The following MCF2L2 variants were observed in gnomAD, a reference collection of about 807,000 sequenced individuals.
MCF2L2 encodes the protein probable guanine nucleotide exchange factor MCF2L2.
In MCF2L2, 102 loss-of-function variants were observed where a neutral mutation model predicts 150.2. The observed-to-expected ratio is 0.68, with a 90% CI of 0.58 to 0.80. The LOEUF (loss-of-function observed/expected upper bound fraction) is 0.80. Ranked by LOEUF, MCF2L2 falls within the 30% of genes least tolerant of loss-of-function variation. The pLI is 0.00. For synonymous variants in MCF2L2, 465 were observed against 491.3 expected (o/e 0.95, Z 0.71); for missense variants, 1,256 against 1,372.8 (o/e 0.91, Z 1.34).
Position 183,354,027 on chromosome 3 carries a change from C to T in MCF2L2, c.276-12397G>A, listed in dbSNP as rs1711619220. Among the ~76,000 whole-genome samples, 6 of 152,144 alleles carry T rather than the reference C, an allele frequency of 3.9e-5. No homozygotes were observed. The South Asian group carries it at 1.2e-3, about 32-fold the overall frequency. On this transcript the variant is annotated intron_variant, in intron 3 of 29. Transcript: ENST00000328913. ...CTTGGCCAAGTGGATTTCAAAGAAA[C>T]CTAAAAAACTAGTTCAGGCCATAAC... is the stretch of plus-strand genomic sequence containing the variant.
Position 183,340,899 on chromosome 3 carries a change from C to T in MCF2L2, c.366+641G>A, listed in dbSNP as rs189538229. 1.0e-3 allele frequency among the ~76,000 whole-genome samples: 159 copies of T among 152,244 alleles called. 1 individual carries two copies. Among genetic ancestry groups the T allele is most frequent in the African/African-American group, 3.6e-3 (149 of 41,540 alleles). ...CAGAGGTTGCAGTCAGCTGAGATTGCGCCACTGCACTCCAGCCTGGGCGAC... is the reference window on the plus strand; with the variant it reads ...CAGAGGTTGCAGTCAGCTGAGATTGTGCCACTGCACTCCAGCCTGGGCGAC... On this transcript the variant is annotated intron_variant, in intron 4 of 29. Transcript: ENST00000328913.
At chr3:183,408,220 C>A (rs1433502062) in intron 1 of MCF2L2, among the ~76,000 whole-genome samples, 1 of 152,040 alleles carries the variant, frequency 6.6e-6, no homozygotes, top group Non-Finnish European at 1.5e-5. Context: ...AAACTGGAGC[C>A]CAGAGTAGAG....
intron 19 of MCF2L2, 132 bp downstream of exon 19, chr3:183,223,966 C>G: frequency 4.1e-6 from 3 of 723,398 alleles, no homozygotes; most frequent in Non-Finnish European, 2.5e-6. Context: ...TGTGTAATTT[C>G]AAAGTATGGG....
intron 3 of MCF2L2, among the ~76,000 whole-genome samples, chr3:183,371,465 C>CTTT (rs56835227): frequency 7.9e-5 from 10 of 126,048 alleles, no homozygotes; most frequent in South Asian, 2.6e-4. Flanking sequence ...TCTGAGAAGC[C>CTTT]TTTTTTTTTT....
chr3:183,294,174 A>G (rs1323591758), intron 13 of MCF2L2, among the ~76,000 whole-genome samples: 1 of 152,166 alleles, frequency 6.6e-6, no homozygotes, highest in Non-Finnish European at 1.5e-5. Flanking sequence ...GCTGACTAAT[A>G]AGCTATGGTA....
At chr3:183,367,613 T>G (rs1456080043) in intron 3 of MCF2L2, among the ~76,000 whole-genome samples, 1 of 152,214 alleles carries the variant, frequency 6.6e-6, no homozygotes, top group East Asian at 1.9e-4. Flanking sequence ...ATTCTACATC[T>G]TAGCAACATT....
In MCF2L2 at chr3:183,268,253, A is replaced by C. The variant is rs1726349632; in HGVS notation, c.1862+8619T>G. ...CAAACAGCTGGAGAGGCAGATCCTA[A>C]AGGGTCCTGTGGGCCAGGCTGGACT... is the stretch of plus-strand genomic sequence containing the variant. On this transcript the variant is annotated intron_variant, in intron 15 of 29. Coordinates refer to ENST00000328913, the MANE Select transcript of MCF2L2 (RefSeq NM_015078.4). 2.0e-5 allele frequency among the ~76,000 whole-genome samples: 3 copies of C among 152,308 alleles called. No individual in the cohort carries two copies. The South Asian group carries it at 6.2e-4, about 32-fold the overall frequency.
intron 27 of MCF2L2, among the ~76,000 whole-genome samples, chr3:183,188,103 G>A (rs1721760208): frequency 6.6e-6 from 1 of 152,138 alleles, no homozygotes; most frequent in Non-Finnish European, 1.5e-5. Context: ...AACTATGATG[G>A]CCAAGTCCAA....
At chr3:183,216,574 A>C (rs1281885154) in intron 21 of MCF2L2, among the ~76,000 whole-genome samples, 1 of 54,460 alleles carries the variant, frequency 1.8e-5, no homozygotes, top group Non-Finnish European at 3.3e-5. Flanking sequence ...ATATATATAT[A>C]TATATATTTT....
intron 3 of MCF2L2, among the ~76,000 whole-genome samples, chr3:183,349,472 A>C (rs1307758350): frequency 6.6e-6 from 1 of 152,168 alleles, no homozygotes; most frequent in African/African-American, 2.4e-5. Context: ...GTGGTTGCTT[A>C]GCTTCCGAAT....
chr3:183,261,024 T>C (rs1725531319), intron 15 of MCF2L2, among the ~76,000 whole-genome samples: 2 of 152,214 alleles, frequency 1.3e-5, no homozygotes, highest in South Asian at 4.1e-4. Flanking sequence ...GGTCTTATAT[T>C]GGAAATGTAA....
intron 3 of MCF2L2, among the ~76,000 whole-genome samples, chr3:183,346,065 T>C (rs1730886323): frequency 6.6e-6 from 1 of 152,210 alleles, no homozygotes; most frequent in African/African-American, 2.4e-5. Context: ...CCCTAGCTCA[T>C]TTTATGAGGC....
intron 1 of MCF2L2, among the ~76,000 whole-genome samples, chr3:183,412,441 C>A (rs1301288069): frequency 6.6e-6 from 1 of 151,992 alleles, no homozygotes; most frequent in African/African-American, 2.4e-5. Flanking sequence ...ATTACAGGCA[C>A]CTGCCAGCCA....
intron 5 of MCF2L2, among the ~76,000 whole-genome samples, chr3:183,329,608 A>G (rs149317091): frequency 3.5e-4 from 53 of 152,370 alleles, no homozygotes; most frequent in Non-Finnish European, 6.9e-4. Context: ...AAAGGAAAGA[A>G]CTATGGGCAT....
At chr3:183,395,935 A>AAAAAAAGAAAG (rs1553794481) in intron 1 of MCF2L2, among the ~76,000 whole-genome samples, 1 of 99,026 alleles carries the variant, frequency 1.0e-5, no homozygotes, top group African/African-American at 3.0e-5. Flanking sequence ...AAAAAAAAAA[A>AAAAAAAGAAAG]AAAGAAAGAA....
chr3:183,226,119 G>A (rs938278744), intron 18 of MCF2L2: 2 of 152,180 alleles, frequency 1.3e-5, no homozygotes, highest in African/African-American at 4.8e-5. Flanking sequence ...CATGGTCTCT[G>A]GAGGAGAATT....
intron 3 of MCF2L2, chr3:183,372,608 C>T (rs945601759): frequency 1.1e-4 from 16 of 152,176 alleles, no homozygotes; most frequent in African/African-American, 3.6e-4. Context: ...AGGAGAATCA[C>T]TTGAACCTGG....
At chr3:183,329,977 G>A (rs1181280704) in intron 5 of MCF2L2, among the ~76,000 whole-genome samples, 1 of 152,084 alleles carries the variant, frequency 6.6e-6, no homozygotes, top group Non-Finnish European at 1.5e-5. Context: ...GCTCACATAT[G>A]TAATCCCAAC....
chr3:183,351,554 G>T (rs986764078), intron 3 of MCF2L2, among the ~76,000 whole-genome samples: 1 of 151,936 alleles, frequency 6.6e-6, no homozygotes, highest in African/African-American at 2.4e-5. Flanking sequence ...GGAAAATCAG[G>T]ACAATTGGTA....
Sources: allele counts gnomAD v4.1 joint callset (sites outside exome capture counted in the v4.1 genomes callset), GRCh38; gene constraint gnomAD v4.1.1; transcripts MANE v1.5; gene names NCBI Gene and HGNC (gene_info 2026-07-23, HGNC 2026-07-21).